PTPRD: variants seen among roughly 807,000 people sequenced by gnomAD.
The protein encoded by PTPRD is protein tyrosine phosphatase receptor type D.
Under a neutral mutation model 214.5 loss-of-function variants are expected in PTPRD, and 34 were observed. The ratio of observed to expected loss-of-function variants is 0.16; its 90% CI spans 0.12 to 0.21. PTPRD has a LOEUF of 0.21. PTPRD is among the 10% of genes least tolerant of loss of function. The pLI, the probability that PTPRD is intolerant of heterozygous loss-of-function variation, is 1.00. For synonymous variants in PTPRD, 1,128 were observed against 845.7 expected (o/e 1.33, Z -5.79); for missense variants, 2,545 against 2,398.7 (o/e 1.06, Z -1.27).
chr9:9,660,398 T>G (rs907067627), intron 7 of PTPRD, among the ~76,000 whole-genome samples: 7 of 151,954 alleles, frequency 4.6e-5, no homozygotes, highest in African/African-American at 1.7e-4. Context: ...TACAGCCAAG[T>G]ATGAGATGTT....
chr9:9,148,919 G>A (rs2154486496), intron 10 of PTPRD, among the ~76,000 whole-genome samples: 1 of 152,296 alleles, frequency 6.6e-6, no homozygotes, highest in South Asian at 2.1e-4. Context: ...TACAAATAAA[G>A]ATTGTAACTG....
chr9:9,687,238 G>C (rs1487124201), intron 7 of PTPRD, among the ~76,000 whole-genome samples: 2 of 151,810 alleles, frequency 1.3e-5, no homozygotes, highest in African/African-American at 4.8e-5. Context: ...TGAGACATTT[G>C]TCTACCCAAT....
In PTPRD at chr9:9,917,080, A is replaced by T. The variant is rs546373084; in HGVS notation, c.-368+21427T>A. On this transcript the variant is annotated intron_variant, in intron 5 of 45. Transcript: ENST00000381196. ...AAAAGTAGTATTAAGAGGCAAGTATATATCAATAAATGTCTACATCAAAAA... is the reference window on the plus strand; with the variant it reads ...AAAAGTAGTATTAAGAGGCAAGTATTTATCAATAAATGTCTACATCAAAAA... Among the ~76,000 whole-genome samples the T allele has an allele frequency of 2.7e-5, 4 of 147,684 alleles. No homozygotes were observed. The South Asian group carries it at 8.7e-4, about 32-fold the overall frequency.
intron 14 of PTPRD, among the ~76,000 whole-genome samples, chr9:8,620,016 A>G (rs1205595211): frequency 1.3e-5 from 2 of 152,034 alleles, no homozygotes; most frequent in Non-Finnish European, 2.9e-5. Flanking sequence ...CACTGCACAC[A>G]GACCCCCTTT....
At chr9:10,591,105 C>A (rs1334957953) in intron 2 of PTPRD, among the ~76,000 whole-genome samples, 1 of 151,776 alleles carries the variant, frequency 6.6e-6, no homozygotes, top group African/African-American at 2.4e-5. Context: ...AGATCCCAGC[C>A]TCTTAGGATG....
chr9:10,584,604 A>G (rs184828111), intron 2 of PTPRD, among the ~76,000 whole-genome samples: 28 of 152,210 alleles, frequency 1.8e-4, no homozygotes, highest in African/African-American at 6.5e-4. Context: ...CTTGTAAAGG[A>G]TTTACAAGCA....
At chr9:9,822,170 T>G (rs1167597284) in intron 5 of PTPRD, among the ~76,000 whole-genome samples, 1 of 150,656 alleles carries the variant, frequency 6.6e-6, no homozygotes, top group East Asian at 1.9e-4. Context: ...TTTCGCACTT[T>G]GGGAGGCTGA....
At chr9:8,708,042 G>A (rs1206567653) in intron 12 of PTPRD, among the ~76,000 whole-genome samples, 1 of 152,156 alleles carries the variant, frequency 6.6e-6, no homozygotes, top group Non-Finnish European at 1.5e-5. Context: ...CACCATGCAA[G>A]AAAACTGACT....
At chr9:9,068,201 T>G (rs1381566859) in intron 10 of PTPRD, among the ~76,000 whole-genome samples, 1 of 152,218 alleles carries the variant, frequency 6.6e-6, no homozygotes, top group Admixed American at 6.5e-5. Context: ...TATTACTGAG[T>G]GCTAGCCCAT....
chr9:9,967,343 T>C (rs2094776726), intron 4 of PTPRD, among the ~76,000 whole-genome samples: 1 of 152,134 alleles, frequency 6.6e-6, no homozygotes, highest in Non-Finnish European at 1.5e-5. Flanking sequence ...CCTTAACAAC[T>C]AGAATTTATG....
chr9:8,495,757 C>A (rs1350374042), intron 26 of PTPRD, among the ~76,000 whole-genome samples: 1 of 152,100 alleles, frequency 6.6e-6, no homozygotes, highest in Non-Finnish European at 1.5e-5. Flanking sequence ...AGTTTACGGT[C>A]AAAAATGCTG....
At chr9:10,450,654 CTTG>C (rs1193352599) in intron 2 of PTPRD, among the ~76,000 whole-genome samples, 4 of 151,906 alleles carry the variant, frequency 2.6e-5, no homozygotes, top group Admixed American at 2.6e-4. Context: ...ATTTTACTGT[CTTG>C]TTGTTTGGCA....
chr9:10,133,485 T>C (rs1209501567), intron 3 of PTPRD, among the ~76,000 whole-genome samples: 3 of 152,020 alleles, frequency 2.0e-5, no homozygotes, highest in Admixed American at 2.0e-4. Flanking sequence ...TAAAAGCATA[T>C]ACCTGTACGT....
intron 2 of PTPRD, among the ~76,000 whole-genome samples, chr9:10,469,967 A>C (rs1421045788): frequency 6.6e-6 from 1 of 151,886 alleles, no homozygotes; most frequent in East Asian, 1.9e-4. Context: ...AATCTCATGA[A>C]GGTAGTCAAT....
At position 8,685,235 on chromosome 9, in the gene PTPRD, G is replaced by C. The variant is rs117877524; in HGVS notation, c.65-48391C>G. Among the ~76,000 whole-genome samples the C allele has an allele frequency of 5.5e-4, 82 of 147,946 alleles. 1 individual carries two copies. Among genetic ancestry groups the C allele is most frequent in the East Asian group, 3.2e-3 (16 of 5,042 alleles). On this transcript the variant is annotated intron_variant, in intron 12 of 45. Transcript: ENST00000381196. ...AAGGAAACAAAAAGGCCTCTACAAAGAAGTGCATAAATGTAGAAAGCAGAA... is the reference window on the plus strand; with the variant it reads ...AAGGAAACAAAAAGGCCTCTACAAACAAGTGCATAAATGTAGAAAGCAGAA...
intron 8 of PTPRD, among the ~76,000 whole-genome samples, chr9:9,493,555 G>A (rs1189133980): frequency 6.6e-6 from 1 of 151,982 alleles, no homozygotes; most frequent in African/African-American, 2.4e-5. Flanking sequence ...TTGGGAGGCC[G>A]AGGCAGGCAG....
chr9:9,430,800 G>C lies in PTPRD; in HGVS notation c.-236-33318C>G, dbSNP rs141059345. Among the ~76,000 whole-genome samples the C allele has an allele frequency of 5.1e-3, 776 of 152,212 alleles. 5 individuals are homozygous for C. The highest frequency in any genetic ancestry group is 0.014 in the Middle Eastern group (4 of 294). On this transcript the variant is annotated intron_variant, in intron 8 of 45. Transcript: ENST00000381196. ...CAAATCTAACAAAAACAAGAAATGG[G>C]GAAAGGAATCCCTGTTTAATAAATG...
In PTPRD at chr9:8,493,047, C is replaced by T. The variant is rs1591919899; in HGVS notation, c.2350-68G>A. The stretch of plus-strand genomic sequence containing the variant: ...CTAATGCTCTGGGGGAAAAACAAGG[C>T]CGTCTGCCTTCATTCTGCAAATGCT... On this transcript the variant is annotated intron_variant, in intron 26 of 45. Transcript: ENST00000381196. The T allele has an allele frequency of 3.0e-6, 4 of 1,331,848 alleles. No individual in the cohort carries two copies. The African/African-American group carries it at 4.3e-5, about 14-fold the overall frequency. 82.5% of individuals were successfully genotyped at this position (1,331,848 alleles called of 1,614,324 possible).
intron 3 of PTPRD, among the ~76,000 whole-genome samples, chr9:10,093,946 G>C (rs1020161758): frequency 6.6e-6 from 1 of 151,348 alleles, no homozygotes; most frequent in Non-Finnish European, 1.5e-5. Context: ...AGCAGGGAGA[G>C]AGAAGTGGAT....
Sources: gnomAD v4.1 joint callset for allele counts (sites outside exome capture counted in the v4.1 genomes callset) on GRCh38, gnomAD v4.1.1 for gene constraint, MANE v1.5 for transcripts, NCBI Gene and HGNC (gene_info 2026-07-23, HGNC 2026-07-21) for gene names.